The following DNAH14 variants were observed in gnomAD, a reference collection of about 807,000 sequenced individuals.
DNAH14 encodes the protein axonemal beta dynein heavy chain 14.
Under a neutral mutation model 520.9 loss-of-function variants are expected in DNAH14, and 478 were observed. The ratio of observed to expected loss-of-function variants is 0.92; its 90% CI spans 0.85 to 0.99. DNAH14 has a LOEUF of 0.99. Among genes scored for constraint, DNAH14 ranks in the 50% least tolerant of loss-of-function variants. DNAH14 has a pLI of 0.00. For missense variants in DNAH14, 4,831 were observed against 5,234.5 expected, an observed-to-expected ratio of 0.92 and a Z score of 2.38; for synonymous variants, 1,581 against 1,757.2, an observed-to-expected ratio of 0.90 and a Z score of 2.51.
intron 21 of DNAH14, among the ~76,000 whole-genome samples, chr1:225,090,787 T>C (rs942695638): frequency 1.2e-4 from 19 of 152,034 alleles, no homozygotes; most frequent in Non-Finnish European, 2.4e-4. Context: ...AGAAAAAACA[T>C]AAGAGATATT....
At chr1:224,933,848 G>C (rs982820442) in intron 1 of DNAH14, among the ~76,000 whole-genome samples, 1 of 151,882 alleles carries the variant, frequency 6.6e-6, no homozygotes, top group Admixed American at 6.6e-5. Context: ...GAGGAGTTTT[G>C]CGTCTATGTT....
chr1:225,368,123 T>C, intron 77 of DNAH14, 91 bp downstream of exon 77: 2 of 1,132,960 alleles, frequency 1.8e-6, no homozygotes, highest in Non-Finnish European at 2.5e-6. Context: ...TGTGAGTGTT[T>C]TACATGGTGG....
In DNAH14 at chr1:225,204,248, AGTT is replaced by A. The variant is rs148326046; in HGVS notation, c.5956_5958del (p.Val1986del). The A allele has an allele frequency of 1.3e-3, 1,896 of 1,492,340 alleles. 16 individuals carry two copies. In the African/African-American group the frequency reaches 0.024, roughly 19 times the overall value. The allele number at this position is 1,492,340 out of a possible 1,614,324, so 92.4% of individuals were successfully genotyped here. On this transcript the variant is annotated inframe_deletion, in exon 39 of 86. Coordinates refer to ENST00000682510, the MANE Select transcript of DNAH14 (RefSeq NM_001367479.1). The stretch of plus-strand genomic sequence containing the variant: ...ATAATATTTTTGAGGAGATAGAGAA[AGTT>A]GTTAAAATTCCAGAAAATCACAGTA...
chr1:225,219,726 G>C (rs1194517034), intron 41 of DNAH14, among the ~76,000 whole-genome samples: 2 of 152,082 alleles, frequency 1.3e-5, no homozygotes, highest in African/African-American at 4.8e-5. Context: ...TTCTACCAGA[G>C]GTACAAAGAG....
intron 27 of DNAH14, among the ~76,000 whole-genome samples, chr1:225,132,692 T>C (rs1364345914): frequency 6.6e-6 from 1 of 152,334 alleles, no homozygotes; most frequent in East Asian, 1.9e-4. Flanking sequence ...TGTGTGCATG[T>C]ATCTTTATAA....
At chr1:225,238,062 C>T (rs1558121231) in intron 42 of DNAH14, among the ~76,000 whole-genome samples, 2 of 152,274 alleles carry the variant, frequency 1.3e-5, no homozygotes, top group South Asian at 2.1e-4. Context: ...TTACAACATG[C>T]TCCTTTAAGT....
chr1:225,082,803 C>T (rs983233820), intron 20 of DNAH14, 64 bp downstream of exon 20: 26 of 1,314,688 alleles, frequency 2.0e-5, no homozygotes, highest in East Asian at 1.5e-4. Context: ...TTTAAATAGG[C>T]GAGTAAATAT....
At chr1:225,242,661 GA>G (rs1371189708) in intron 43 of DNAH14, among the ~76,000 whole-genome samples, 1 of 152,082 alleles carries the variant, frequency 6.6e-6, no homozygotes, top group African/African-American at 2.4e-5. Flanking sequence ...TAAATAGAAG[GA>G]GTGCACTCTA....
In DNAH14 at chr1:225,231,100, A is replaced by T. The variant is rs952229238; in HGVS notation, c.6467A>T (p.Lys2156Met). 1.3e-6 allele frequency: 2 copies of T among 1,548,428 alleles called. No homozygotes were observed. Among genetic ancestry groups the T allele is most frequent in the Non-Finnish European group, 1.7e-6 (2 of 1,145,500 alleles). Residue 2156 changes from lysine (K) to methionine (M), a missense_variant, in exon 42 of 86, where the codon AAG becomes ATG. Lys to Met is a moderately conservative substitution (Grantham distance 95, BLOSUM62 -1). Transcript: ENST00000682510. ...GATGATTTGAATGACACGTCATCTA[A>T]GGAGGCAAATTCCCAAAGAGAGTCT... ...QSDDLNDTSS[K>M]EANSQRESVT...
At chr1:225,330,300 T>A (rs562115054) in intron 64 of DNAH14, among the ~76,000 whole-genome samples, 1 of 152,348 alleles carries the variant, frequency 6.6e-6, no homozygotes, top group South Asian at 2.1e-4. Flanking sequence ...ATTCTACTGC[T>A]GGGTATATAC....
At chr1:225,246,775 TTGG>T (rs1406075093) in intron 43 of DNAH14, among the ~76,000 whole-genome samples, 4 of 152,148 alleles carry the variant, frequency 2.6e-5, no homozygotes, top group African/African-American at 7.2e-5. Context: ...TTTTACACTG[TTGG>T]TGGGAGTGTA....
intron 73 of DNAH14, among the ~76,000 whole-genome samples, chr1:225,355,488 A>T (rs1476010549): frequency 1.3e-5 from 2 of 151,996 alleles, no homozygotes; most frequent in African/African-American, 2.4e-5. Flanking sequence ...AAGGGACCTA[A>T]TCTCACCCCG....
intron 60 of DNAH14, among the ~76,000 whole-genome samples, chr1:225,316,241 G>C (rs532412287): frequency 4.6e-5 from 7 of 152,330 alleles, no homozygotes; most frequent in African/African-American, 1.4e-4. Context: ...TCAGACTGCT[G>C]TGCTGGCAGT....
At chr1:224,971,915 A>T in intron 7 of DNAH14, among the ~76,000 whole-genome samples, 1 of 152,186 alleles carries the variant, frequency 6.6e-6, no homozygotes, top group South Asian at 2.1e-4. Context: ...TAATTTAGGA[A>T]CTAGAATTGG....
chr1:225,128,068 C>T (rs184051085), intron 27 of DNAH14, among the ~76,000 whole-genome samples: 1 of 152,076 alleles, frequency 6.6e-6, no homozygotes, highest in Non-Finnish European at 1.5e-5. Flanking sequence ...GAGTTTCTGC[C>T]GAGAACTCTG....
intron 77 of DNAH14, among the ~76,000 whole-genome samples, chr1:225,372,869 G>C (rs1024145816): frequency 1.3e-5 from 2 of 151,998 alleles, no homozygotes; most frequent in Admixed American, 1.3e-4. Context: ...CAAGCCAAAG[G>C]AAAAACAGGC....
chr1:225,030,975 A>T (rs1448368074), intron 11 of DNAH14, among the ~76,000 whole-genome samples: 1 of 152,022 alleles, frequency 6.6e-6, no homozygotes, highest in African/African-American at 2.4e-5. Flanking sequence ...GAGAATTGAC[A>T]TCTTAACAAT....
chr1:225,188,553 A>T (rs1269587286), intron 37 of DNAH14, among the ~76,000 whole-genome samples: 1 of 151,958 alleles, frequency 6.6e-6, no homozygotes, highest in East Asian at 1.9e-4. Context: ...GGCATCCACT[A>T]GGTGCCTTGG....
At chr1:225,096,573 C>T (rs1357207113) in intron 21 of DNAH14, among the ~76,000 whole-genome samples, 1 of 151,964 alleles carries the variant, frequency 6.6e-6, no homozygotes, top group Non-Finnish European at 1.5e-5. Context: ...ATGGAATTTC[C>T]TGAAATCATT....
Sources: allele counts gnomAD v4.1 joint callset (sites outside exome capture counted in the v4.1 genomes callset), GRCh38; gene constraint gnomAD v4.1.1; transcripts MANE v1.5; gene names NCBI Gene and HGNC (gene_info 2026-07-23, HGNC 2026-07-21).